The following CREB5 variants were observed in gnomAD, a reference collection of about 807,000 sequenced individuals.
The protein encoded by CREB5 is cAMP responsive element binding protein 5, also known as cyclic AMP-responsive element-binding protein 5.
A neutral mutation model predicts 57.1 loss-of-function variants in CREB5; 19 were observed. That is an observed-to-expected ratio of 0.33 (90% CI 0.23 to 0.49). The LOEUF is 0.49. Ranked by LOEUF, CREB5 falls within the 20% of genes least tolerant of loss-of-function variation. CREB5 has a pLI of 0.99. For synonymous variants in CREB5, 238 were observed against 238.3 expected (o/e 1.00, Z 0.01); for missense variants, 579 against 671.6 (o/e 0.86, Z 1.52).
intron 1 of CREB5, among the ~76,000 whole-genome samples, chr7:28,392,462 T>C (rs1421247070): frequency 2.6e-5 from 4 of 152,248 alleles, no homozygotes; most frequent in East Asian, 3.9e-4. Context: ...TTTGGTATTA[T>C]TTTCAATGGC....
intron 4 of CREB5, among the ~76,000 whole-genome samples, chr7:28,540,512 G>A (rs1794163345): frequency 6.6e-6 from 1 of 152,082 alleles, no homozygotes; most frequent in South Asian, 2.1e-4. Context: ...GAGGCTTCAT[G>A]ATTTCCCCTG....
chr7:28,342,321 G>A (rs1785952921), intron 1 of CREB5, among the ~76,000 whole-genome samples: 1 of 152,126 alleles, frequency 6.6e-6, no homozygotes, highest in Admixed American at 6.5e-5. Flanking sequence ...GATCAAAGTG[G>A]TACAGAAGCC....
chr7:28,404,854 C>G (rs371052543), intron 1 of CREB5, among the ~76,000 whole-genome samples: 2 of 152,172 alleles, frequency 1.3e-5, no homozygotes, highest in South Asian at 2.1e-4. Context: ...CTCAGGACTA[C>G]CAAAGTATGG....
chr7:28,764,287 AACATTATAACAAGTTATACAGT>A, intron 7 of CREB5, among the ~76,000 whole-genome samples: 1 of 152,128 alleles, frequency 6.6e-6, no homozygotes, highest in Non-Finnish European at 1.5e-5. Context: ...ATATAACATT[AACATTATAACAAGTTATACAGT>A]TTTACACATA....
At chr7:28,704,975 A>C (rs1007147729) in intron 5 of CREB5, among the ~76,000 whole-genome samples, 26 of 152,290 alleles carry the variant, frequency 1.7e-4, no homozygotes, top group African/African-American at 5.5e-4. Flanking sequence ...TGCAGGACTC[A>C]GTTACTTCAC....
intron 1 of CREB5, among the ~76,000 whole-genome samples, chr7:28,348,435 CACACACACAG>C (rs1786119036): frequency 2.0e-5 from 3 of 151,412 alleles, no homozygotes; most frequent in African/African-American, 7.3e-5. Context: ...CACACACACA[CACACACACAG>C]ACACCTTGCA....
rs189425328 is a variant in CREB5 at position 28,618,656 on chromosome 7, G to A, written c.464+48119G>A. Among the ~76,000 whole-genome samples, 323 of 152,258 alleles carry A rather than the reference G, an allele frequency of 2.1e-3. 2 individuals carry two copies. Among genetic ancestry groups the A allele is most frequent in the Non-Finnish European group, 3.4e-3 (234 of 68,018 alleles). On this transcript the variant is annotated intron_variant, in intron 5 of 10. Transcript: ENST00000357727. ...CACACGCAGCTGGGACTTGCCTCCC[G>A]TCTCAGCAGGCATGATCTCTGTGAT...
intron 1 of CREB5, among the ~76,000 whole-genome samples, chr7:28,367,626 G>A (rs541101403): frequency 2.0e-5 from 3 of 152,188 alleles, no homozygotes; most frequent in Non-Finnish European, 4.4e-5. Flanking sequence ...TGACCAACAT[G>A]GTGAAACCCT....
intron 5 of CREB5, among the ~76,000 whole-genome samples, chr7:28,667,841 A>G (rs1799885396): frequency 6.6e-6 from 1 of 152,230 alleles, no homozygotes; most frequent in Admixed American, 6.5e-5. Context: ...TTTGAGAAAT[A>G]TGTTAGACTG....
chr7:28,767,568 G>A (rs1806073494), intron 7 of CREB5, among the ~76,000 whole-genome samples: 1 of 152,114 alleles, frequency 6.6e-6, no homozygotes, highest in South Asian at 2.1e-4. Context: ...GATGAATCAG[G>A]GCAGATATTG....
rs1562544616 is a variant in CREB5, at chr7:28,642,967, C to CACACACACACAT, written c.464+72441_464+72442insTACACACACACA. Reference sequence around the variant, plus strand: ...GGGTAGATTTACACACACACACACACACACACACACACACACACATACACA... The same window carrying CACACACACACAT: ...GGGTAGATTTACACACACACACACACACACACACACATACACACACACACACACACATACACA... On this transcript the variant is annotated intron_variant, in intron 5 of 10. Transcript: ENST00000357727. Among the ~76,000 whole-genome samples, 184 of 93,784 alleles carry CACACACACACAT rather than the reference C, an allele frequency of 2.0e-3. 2 individuals are homozygous for CACACACACACAT. In the East Asian group the frequency reaches 0.037, roughly 19 times the overall value. 61.5% of individuals were successfully genotyped at this position (93,784 alleles called of 152,430 possible).
At chr7:28,520,904 C>G (rs960203154) in intron 4 of CREB5, among the ~76,000 whole-genome samples, 2 of 152,194 alleles carry the variant, frequency 1.3e-5, no homozygotes, top group African/African-American at 4.8e-5. Flanking sequence ...TTTAAGAAAG[C>G]CTATTAGAAC....
intron 5 of CREB5, among the ~76,000 whole-genome samples, chr7:28,626,197 A>G (rs141545931): frequency 3.2e-4 from 49 of 152,300 alleles, no homozygotes; most frequent in African/African-American, 1.1e-3. Context: ...ACCTTAAAAG[A>G]TTGCTTCTTG....
chr7:28,473,297 G>A (rs1385031665), intron 1 of CREB5, among the ~76,000 whole-genome samples: 6 of 152,150 alleles, frequency 3.9e-5, no homozygotes, highest in African/African-American at 1.4e-4. Context: ...ATTCCAGCCT[G>A]GGCAACAGAG....
chr7:28,784,248 G>A (rs1028588880), intron 7 of CREB5, among the ~76,000 whole-genome samples: 12 of 152,268 alleles, frequency 7.9e-5, no homozygotes, highest in Admixed American at 1.3e-4. Context: ...GCCTGCGAGA[G>A]AGACAGCTTG....
chr7:28,542,519 G>A (rs1290746561), intron 4 of CREB5, among the ~76,000 whole-genome samples: 1 of 152,140 alleles, frequency 6.6e-6, no homozygotes, highest in African/African-American at 2.4e-5. Flanking sequence ...AGTGGAAAAT[G>A]TAACACTTAG....
At chr7:28,364,542 C>T (rs1786550712) in intron 1 of CREB5, among the ~76,000 whole-genome samples, 1 of 152,186 alleles carries the variant, frequency 6.6e-6, no homozygotes, top group Non-Finnish European at 1.5e-5. Flanking sequence ...ACTGACATCA[C>T]CAACAGAAGC....
At chr7:28,355,523 A>G (rs566358840) in intron 1 of CREB5, among the ~76,000 whole-genome samples, 2 of 152,214 alleles carry the variant, frequency 1.3e-5, no homozygotes, top group Admixed American at 1.3e-4. Context: ...AGAGTGTCCT[A>G]AAGAAAAGAT....
At chr7:28,478,923 A>G (rs1186944816) in intron 1 of CREB5, among the ~76,000 whole-genome samples, 1 of 152,210 alleles carries the variant, frequency 6.6e-6, no homozygotes, top group East Asian at 1.9e-4. Context: ...CCTCCCTCAC[A>G]CTGACAGGGA....
Sources: allele counts gnomAD v4.1 joint callset (sites outside exome capture counted in the v4.1 genomes callset), GRCh38; gene constraint gnomAD v4.1.1; transcripts MANE v1.5; gene names NCBI Gene and HGNC (gene_info 2026-07-23, HGNC 2026-07-21).